ANGPT1: variants seen among roughly 807,000 people sequenced by gnomAD.
ANGPT1 encodes the protein angiopoietin 1, also known as angiopoietin-1.
ANGPT1 carries 17 observed loss-of-function variants against 62.2 expected under a neutral mutation model. The ratio of observed to expected loss-of-function variants is 0.27; its 90% CI spans 0.19 to 0.41. The LOEUF is 0.41. Among genes scored for constraint, ANGPT1 ranks in the 10% least tolerant of loss-of-function variants. ANGPT1 has a pLI of 1.00. For missense variants in ANGPT1, 478 were observed against 594.9 expected (o/e 0.80, Z 2.04); for synonymous variants, 199 against 198.9 (o/e 1.00, Z 0.00).
intron 7 of ANGPT1, among the ~76,000 whole-genome samples, chr8:107,279,395 T>G (rs1813943185): frequency 6.6e-6 from 1 of 151,666 alleles, no homozygotes; most frequent in Admixed American, 6.6e-5. Flanking sequence ...AAGAGAGAAG[T>G]AGGGTTAGAA....
At chr8:107,470,563 T>A (rs1239632915) in intron 1 of ANGPT1, among the ~76,000 whole-genome samples, 1 of 152,134 alleles carries the variant, frequency 6.6e-6, no homozygotes, top group Non-Finnish European at 1.5e-5. Flanking sequence ...TGCAAAACTT[T>A]TCTCCCATTC....
At chr8:107,269,280 C>G (rs1438280655) in intron 7 of ANGPT1, among the ~76,000 whole-genome samples, 3 of 151,728 alleles carry the variant, frequency 2.0e-5, no homozygotes, top group African/African-American at 7.3e-5. Context: ...GGACCAGTCA[C>G]TCATTAGTGC....
intron 7 of ANGPT1, among the ~76,000 whole-genome samples, chr8:107,275,408 C>G (rs545940878): frequency 6.4e-4 from 97 of 152,246 alleles, no homozygotes; most frequent in Non-Finnish European, 1.2e-3. Flanking sequence ...TCTTCTACCC[C>G]CATCTCTGAA....
chr8:107,453,214 T>C (rs909975832), intron 1 of ANGPT1, among the ~76,000 whole-genome samples: 5 of 152,074 alleles, frequency 3.3e-5, no homozygotes, highest in African/African-American at 1.2e-4. Flanking sequence ...ATTCCAGAAA[T>C]TCGATTTCTA....
At chr8:107,423,260 T>G (rs1467312636) in intron 1 of ANGPT1, among the ~76,000 whole-genome samples, 1 of 152,216 alleles carries the variant, frequency 6.6e-6, no homozygotes, top group Non-Finnish European at 1.5e-5. Context: ...CAATACTGAC[T>G]AAATGAGATA....
chr8:107,406,634 G>A (rs150893729), intron 1 of ANGPT1, among the ~76,000 whole-genome samples: 2 of 152,110 alleles, frequency 1.3e-5, no homozygotes, highest in African/African-American at 4.8e-5. Context: ...ATGTTGTGGA[G>A]TAAGATAAGG....
chr8:107,391,504 T>C (rs1028515816), intron 1 of ANGPT1, among the ~76,000 whole-genome samples: 8 of 152,026 alleles, frequency 5.3e-5, no homozygotes, highest in African/African-American at 1.9e-4. Flanking sequence ...CCGTCTATAC[T>C]GACAATACAA....
At chr8:107,299,026 A>C (rs919402174) in intron 5 of ANGPT1, among the ~76,000 whole-genome samples, 1 of 151,590 alleles carries the variant, frequency 6.6e-6, no homozygotes, top group African/African-American at 2.4e-5. Flanking sequence ...AGATGGAAAA[A>C]ACTGAGATTA....
intron 1 of ANGPT1, among the ~76,000 whole-genome samples, chr8:107,347,863 G>A (rs545476655): frequency 1.3e-5 from 2 of 152,212 alleles, no homozygotes; most frequent in African/African-American, 4.8e-5. Context: ...CCATCTTAGA[G>A]AACAGTATAG....
intron 2 of ANGPT1, among the ~76,000 whole-genome samples, chr8:107,340,439 G>C (rs1815670204): frequency 6.6e-6 from 1 of 152,184 alleles, no homozygotes; most frequent in Non-Finnish European, 1.5e-5. Flanking sequence ...CCAAGAGAAA[G>C]TGAGCTGGAA....
At chr8:107,340,481 G>T (rs1815670748) in intron 2 of ANGPT1, among the ~76,000 whole-genome samples, 1 of 152,060 alleles carries the variant, frequency 6.6e-6, no homozygotes, top group South Asian at 2.1e-4. Flanking sequence ...ATATTTTCAA[G>T]AGTGCCTCTG....
At chr8:107,278,233 G>A (rs974476501) in intron 7 of ANGPT1, among the ~76,000 whole-genome samples, 3 of 151,838 alleles carry the variant, frequency 2.0e-5, no homozygotes, top group African/African-American at 4.8e-5. Context: ...GCAACACCAC[G>A]CCAAGTGAAT....
intron 3 of ANGPT1, among the ~76,000 whole-genome samples, chr8:107,334,951 A>C (rs752622850): frequency 2.6e-5 from 4 of 152,238 alleles, no homozygotes; most frequent in Non-Finnish European, 5.9e-5. Flanking sequence ...TTAGAAATAC[A>C]AGTCATACAG....
intron 1 of ANGPT1, among the ~76,000 whole-genome samples, chr8:107,371,120 C>T (rs1816401255): frequency 6.6e-6 from 1 of 152,122 alleles, no homozygotes. Flanking sequence ...GAGATGCCAT[C>T]TCAATAGGGT....
chr8:107,349,460 G>T (rs778998252), intron 1 of ANGPT1, among the ~76,000 whole-genome samples: 2 of 152,012 alleles, frequency 1.3e-5, no homozygotes, highest in African/African-American at 2.4e-5. Context: ...ACTTTTCCAG[G>T]GAATTTGAGG....
chr8:107,390,191 C>A (rs1299400722), intron 1 of ANGPT1, among the ~76,000 whole-genome samples: 1 of 152,108 alleles, frequency 6.6e-6, no homozygotes. Flanking sequence ...ACTCAGAAAA[C>A]TTATTTCCAA....
chr8:107,480,222 GA>G (rs978132900), intron 1 of ANGPT1, among the ~76,000 whole-genome samples: 1 of 152,058 alleles, frequency 6.6e-6, no homozygotes, highest in Non-Finnish European at 1.5e-5. Flanking sequence ...TGCATAATAT[GA>G]AAAAACTATG....
chr8:107,264,091 A>T, intron 8 of ANGPT1, 130 bp downstream of exon 8: 1 of 1,186,514 alleles, frequency 8.4e-7, no homozygotes. Flanking sequence ...TCGTGGGCAG[A>T]ACAAAATGAT....
At chr8:107,323,094 G>A (rs1294084240) in intron 3 of ANGPT1, among the ~76,000 whole-genome samples, 2 of 152,184 alleles carry the variant, frequency 1.3e-5, no homozygotes, top group African/African-American at 2.4e-5. Flanking sequence ...TGCTCAGAGT[G>A]TTGAAATCTT....
Sources: allele counts gnomAD v4.1 joint callset (sites outside exome capture counted in the v4.1 genomes callset), GRCh38; gene constraint gnomAD v4.1.1; transcripts MANE v1.5; gene names NCBI Gene and HGNC (gene_info 2026-07-23, HGNC 2026-07-21).